The following MED12L variants were observed in gnomAD, a reference collection of about 807,000 sequenced individuals.
MED12L encodes the protein mediator of RNA polymerase II transcription subunit 12-like protein.
Under a neutral mutation model 281.3 loss-of-function variants are expected in MED12L, and 60 were observed. That is an observed-to-expected ratio of 0.21 (90% CI 0.17 to 0.26). The LOEUF is 0.26. Among genes scored for constraint, MED12L ranks in the 10% least tolerant of loss-of-function variants. The pLI, the probability that MED12L is intolerant of heterozygous loss-of-function variation, is 1.00. For missense variants in MED12L, 2,146 were observed against 2,680.9 expected (o/e 0.80, Z 4.41); for synonymous variants, 974 against 987.2 (o/e 0.99, Z 0.25).
intron 5 of MED12L, among the ~76,000 whole-genome samples, chr3:151,141,599 G>A (rs1717041027): frequency 6.6e-6 from 1 of 152,156 alleles, no homozygotes; most frequent in Non-Finnish European, 1.5e-5. Context: ...ATTAGGGAAA[G>A]TTTTCTGTAG....
chr3:151,332,653 C>A (rs1479107211), intron 16 of MED12L, among the ~76,000 whole-genome samples: 1 of 151,974 alleles, frequency 6.6e-6, no homozygotes, highest in East Asian at 1.9e-4. Context: ...CATATACATA[C>A]CAATATATGT....
chr3:151,154,653 G>A (rs1719028945), intron 5 of MED12L, among the ~76,000 whole-genome samples: 1 of 152,142 alleles, frequency 6.6e-6, no homozygotes, highest in Non-Finnish European at 1.5e-5. Context: ...TAATAGCAAG[G>A]GTTGGCATAC....
intron 12 of MED12L, 111 bp from the exon 13 acceptor site, chr3:151,188,243 A>G: frequency 1.3e-6 from 1 of 759,236 alleles, no homozygotes; most frequent in Non-Finnish European, 2.1e-6. Flanking sequence ...ATATCAATTA[A>G]TTTTACATGT....
chr3:151,287,222 A>G lies in MED12L; in HGVS notation c.2251-62837A>G, dbSNP rs545558161. 5.3e-5 allele frequency among the ~76,000 whole-genome samples: 8 copies of G among 152,352 alleles called. No homozygotes were observed. The South Asian group carries it at 6.2e-4, about 12-fold the overall frequency. ...AAGACCTCAAGTAGTATTGCCATCAATGTAAATCATGGCAGTTGGTTTATT... is the reference window on the plus strand; with the variant it reads ...AAGACCTCAAGTAGTATTGCCATCAGTGTAAATCATGGCAGTTGGTTTATT... On this transcript the variant is annotated intron_variant, in intron 16 of 44. Coordinates refer to ENST00000687756, the MANE Select transcript of MED12L (RefSeq NM_001393769.1).
chr3:151,367,788 T>C, intron 24 of MED12L, 22 bp downstream of exon 24: 1 of 1,590,864 alleles, frequency 6.3e-7, no homozygotes, highest in Non-Finnish European at 8.6e-7. Flanking sequence ...TCCATGAACA[T>C]CCGTTGCTCT....
intron 16 of MED12L, chr3:151,337,926 T>C (rs758414641): frequency 1.2e-6 from 2 of 1,614,102 alleles, no homozygotes; most frequent in Non-Finnish European, 1.7e-6. Flanking sequence ...TATCAAGGAA[T>C]TTCTGAAGGA....
rs557459206 is a variant in MED12L, at chr3:151,305,960, C to A, written c.2251-44099C>A. 1.1e-4 allele frequency among the ~76,000 whole-genome samples: 17 copies of A among 152,266 alleles called. No homozygotes were observed. In the East Asian group the frequency reaches 3.3e-3, roughly 29 times the overall value. ...ATGAACAATCCAGCACTATTAGTTG[C>A]CTCTTCCTGATGGGGAAGTGAGCTC... On this transcript the variant is annotated intron_variant, in intron 16 of 44. Coordinates refer to ENST00000687756, the MANE Select transcript of MED12L (RefSeq NM_001393769.1).
In MED12L at chr3:151,169,091, GTTTTCTTTTTCTTTGTT is replaced by G. The variant is rs1330153004; in HGVS notation, c.1494+3114_1494+3130del. 1.6e-3 allele frequency among the ~76,000 whole-genome samples: 222 copies of G among 135,024 alleles called. 1 individual carries two copies. Among genetic ancestry groups the G allele is most frequent in the Admixed American group, 0.013 (177 of 13,634 alleles). 88.6% of individuals were successfully genotyped at this position (135,024 alleles called of 152,430 possible). The stretch of plus-strand genomic sequence containing the variant: ...TATTTACTCCTTAACAGGGGTTACT[GTTTTCTTTTTCTTTGTT>G]TTTTTTTTTTTTTGTTTTTTTTTTT... On this transcript the variant is annotated intron_variant, in intron 11 of 44. Transcript: ENST00000687756.
intron 17 of MED12L, among the ~76,000 whole-genome samples, chr3:151,353,252 A>G (rs1469323585): frequency 6.6e-6 from 1 of 152,244 alleles, no homozygotes; most frequent in Admixed American, 6.5e-5. Context: ...CATTTTGTGC[A>G]CAAGACTATT....
At chr3:151,358,925 T>C (rs898822647) in intron 20 of MED12L, among the ~76,000 whole-genome samples, 5 of 152,184 alleles carry the variant, frequency 3.3e-5, no homozygotes, top group African/African-American at 1.2e-4. Context: ...TTATAGATAA[T>C]ATCAGGATTT....
chr3:151,395,001 C>T (rs1714774489), intron 39 of MED12L, 134 bp downstream of exon 39: 2 of 1,125,656 alleles, frequency 1.8e-6, no homozygotes, highest in African/African-American at 1.6e-5. Context: ...GTCTATCTCT[C>T]TGTTACAGGC....
chr3:151,287,948 C>T (rs931725572), intron 16 of MED12L, among the ~76,000 whole-genome samples: 4 of 152,060 alleles, frequency 2.6e-5, no homozygotes, highest in East Asian at 3.8e-4. Context: ...TTAATAGAAG[C>T]GGCCCAGAAA....
At chr3:151,329,073 A>T in intron 16 of MED12L, 1 of 1,222,412 alleles carries the variant, frequency 8.2e-7, no homozygotes, top group Non-Finnish European at 1.1e-6. Context: ...TTCAAATGCT[A>T]TTTTTTAAAA....
At chr3:151,242,569 AG>A (rs1443067230) in intron 16 of MED12L, among the ~76,000 whole-genome samples, 1 of 152,230 alleles carries the variant, frequency 6.6e-6, no homozygotes, top group African/African-American at 2.4e-5. Context: ...GTCTGTTACA[AG>A]GAAAACTAAC....
At chr3:151,091,957 AC>A (rs34391563) in intron 2 of MED12L, among the ~76,000 whole-genome samples, 3,003 of 152,188 alleles carry the variant, frequency 0.02, 71 homozygotes, top group African/African-American at 0.055. Flanking sequence ...TGCCTGTCAC[AC>A]AGGCAGCACT....
intron 26 of MED12L, among the ~76,000 whole-genome samples, chr3:151,370,776 T>C (rs918171075): frequency 6.6e-6 from 1 of 152,182 alleles, no homozygotes; most frequent in Non-Finnish European, 1.5e-5. Flanking sequence ...AGAATCAGTT[T>C]TCAATAAAAT....
chr3:151,103,339 T>G (rs1214240261), intron 2 of MED12L, among the ~76,000 whole-genome samples: 1 of 152,234 alleles, frequency 6.6e-6, no homozygotes, highest in Admixed American at 6.5e-5. Flanking sequence ...TACAATTATT[T>G]AGATAAGAGT....
chr3:151,200,030 A>G (rs976068283), intron 16 of MED12L, among the ~76,000 whole-genome samples: 2 of 152,230 alleles, frequency 1.3e-5, no homozygotes, highest in Admixed American at 6.5e-5. Context: ...ATGTATGTTC[A>G]TTGGTTACAA....
chr3:151,171,282 G>A (rs1169713667), intron 11 of MED12L, among the ~76,000 whole-genome samples: 1 of 152,142 alleles, frequency 6.6e-6, no homozygotes, highest in African/African-American at 2.4e-5. Flanking sequence ...AGCTGGAGGA[G>A]GAGTTGCTCT....
Sources: allele counts gnomAD v4.1 joint callset (sites outside exome capture counted in the v4.1 genomes callset), GRCh38; gene constraint gnomAD v4.1.1; transcripts MANE v1.5; gene names NCBI Gene and HGNC (gene_info 2026-07-23, HGNC 2026-07-21).